IQSEC1: variants seen among roughly 807,000 people sequenced by gnomAD.
The protein encoded by IQSEC1 is IQ motif and SEC7 domain-containing protein 1.
A neutral mutation model predicts 91.0 loss-of-function variants in IQSEC1; 31 were observed. The ratio of observed to expected loss-of-function variants is 0.34; its 90% CI spans 0.26 to 0.46. IQSEC1 has a LOEUF of 0.46. Among genes scored for constraint, IQSEC1 ranks in the 20% least tolerant of loss-of-function variants. The pLI, the probability that IQSEC1 is intolerant of heterozygous loss-of-function variation, is 1.00. For synonymous variants in IQSEC1, 699 were observed against 662.6 expected (o/e 1.05, Z -0.84); for missense variants, 1,388 against 1,575.6 (o/e 0.88, Z 2.02).
intron 1 of IQSEC1, among the ~76,000 whole-genome samples, chr3:13,055,160 C>T (rs922111390): frequency 1.3e-5 from 2 of 152,200 alleles, no homozygotes; most frequent in Non-Finnish European, 2.9e-5. Flanking sequence ...CCTGCACACC[C>T]CTCCATCCTG....
intron 2 of IQSEC1, among the ~76,000 whole-genome samples, chr3:13,096,073 A>G (rs1396070261): frequency 1.3e-5 from 2 of 152,128 alleles, no homozygotes; most frequent in Non-Finnish European, 2.9e-5. Flanking sequence ...CTGGGCTGCT[A>G]TGAGGCAGAG....
chr3:13,101,158 C>G (rs969359396), intron 2 of IQSEC1, among the ~76,000 whole-genome samples: 3 of 152,192 alleles, frequency 2.0e-5, no homozygotes, highest in Non-Finnish European at 4.4e-5. Flanking sequence ...TCAAGCCTGA[C>G]AGTGACACGA....
intron 2 of IQSEC1, among the ~76,000 whole-genome samples, chr3:13,142,331 C>A (rs963733693): frequency 9.9e-5 from 15 of 152,206 alleles, no homozygotes; most frequent in African/African-American, 3.4e-4. Context: ...GGTGTGGAAG[C>A]AGCAGCCCCA....
intron 2 of IQSEC1, among the ~76,000 whole-genome samples, chr3:13,145,804 C>CGG (rs71848559): frequency 0.069 from 3,639 of 52,448 alleles, 215 homozygotes; most frequent in South Asian, 0.1. Context: ...CGCCCGGGGG[C>CGG]GGGGGGGGGG....
At chr3:13,006,972 C>A (rs938723098) in intron 1 of IQSEC1, among the ~76,000 whole-genome samples, 1 of 152,354 alleles carries the variant, frequency 6.6e-6, no homozygotes, top group Admixed American at 6.5e-5. Context: ...CTGCTACCGG[C>A]GGGTATCTCT....
chr3:13,273,188 A>C (rs1340166504), intron 1 of IQSEC1, among the ~76,000 whole-genome samples: 1 of 152,186 alleles, frequency 6.6e-6, no homozygotes, highest in Non-Finnish European at 1.5e-5. Context: ...GCTGGGATTC[A>C]GGCTGCTGGC....
Position 13,260,545 on chromosome 3 carries a change from C to T in IQSEC1, c.272+22166G>A, listed in dbSNP as rs147890339. Among the ~76,000 whole-genome samples, 23 of 152,338 alleles carry T rather than the reference C, an allele frequency of 1.5e-4. No individual in the cohort carries two copies. In the East Asian group the frequency reaches 1.9e-3, roughly 13 times the overall value. The stretch of plus-strand genomic sequence containing the variant: ...ATCTGGCAAAGACAGCCAAAGCCCA[C>T]GTTCCTAAGGGAATCTGCAAAAGTC... On this transcript the variant is annotated intron_variant, in intron 1 of 15. Transcript: ENST00000648114.
intron 1 of IQSEC1, among the ~76,000 whole-genome samples, chr3:12,957,467 A>C (rs1211024640): frequency 6.6e-6 from 1 of 152,212 alleles, no homozygotes. Flanking sequence ...GAGCCAAATT[A>C]AATACAGAGG....
At chr3:13,269,731 C>T (rs975307672) in intron 1 of IQSEC1, among the ~76,000 whole-genome samples, 4 of 152,270 alleles carry the variant, frequency 2.6e-5, no homozygotes, top group Non-Finnish European at 4.4e-5. Flanking sequence ...GGGCAGGCCA[C>T]TCTGAAACTT....
chr3:12,920,834 C>T (rs1176910678), intron 5 of IQSEC1, among the ~76,000 whole-genome samples: 1 of 152,210 alleles, frequency 6.6e-6, no homozygotes, highest in African/African-American at 2.4e-5. Flanking sequence ...CTACATTTCC[C>T]AGCTCCCGGG....
chr3:12,936,768 C>T, intron 2 of IQSEC1, 71 bp from the exon 3 acceptor site: 2 of 1,410,458 alleles, frequency 1.4e-6, no homozygotes, highest in Non-Finnish European at 1.9e-6. Context: ...AAACTCCTTC[C>T]CACTTCCTAG....
Position 13,013,020 on chromosome 3 carries a change from G to C in IQSEC1, c.23+59972C>G, listed in dbSNP as rs529086702. 1.8e-3 allele frequency among the ~76,000 whole-genome samples: 262 copies of C among 146,814 alleles called. 1 individual carries two copies. Among genetic ancestry groups the C allele is most frequent in the Non-Finnish European group, 1.7e-3 (118 of 67,430 alleles). On this transcript the variant is annotated intron_variant, in intron 1 of 13. Coordinates refer to ENST00000613206, the MANE Select transcript of IQSEC1 (RefSeq NM_001134382.3). Reference sequence around the variant, plus strand: ...CTGTGTCCAAGGCTGGAGTGCAGTGGCACGACCTAGGCTCACTGCAACCTC... The same window carrying C: ...CTGTGTCCAAGGCTGGAGTGCAGTGCCACGACCTAGGCTCACTGCAACCTC...
intron 1 of IQSEC1, among the ~76,000 whole-genome samples, chr3:13,176,836 T>G (rs1290156911): frequency 6.6e-6 from 1 of 152,146 alleles, no homozygotes; most frequent in Non-Finnish European, 1.5e-5. Context: ...AACCATCAGC[T>G]CGGTACAGAT....
At chr3:13,129,781 C>T (rs1021786867) in intron 2 of IQSEC1, among the ~76,000 whole-genome samples, 18 of 151,314 alleles carry the variant, frequency 1.2e-4, no homozygotes, top group Non-Finnish European at 2.1e-4. Flanking sequence ...CCTCAGCCTC[C>T]CGAGTAGCTG....
intron 1 of IQSEC1, among the ~76,000 whole-genome samples, chr3:13,028,074 G>A (rs1362671430): frequency 2.6e-5 from 4 of 152,134 alleles, no homozygotes; most frequent in East Asian, 1.9e-4. Context: ...CTCCAGAGAC[G>A]CCTGTGGCCC....
At chr3:13,205,674 C>A (rs896787947) in intron 1 of IQSEC1, among the ~76,000 whole-genome samples, 1 of 151,640 alleles carries the variant, frequency 6.6e-6, no homozygotes, top group Non-Finnish European at 1.5e-5. Context: ...ACTCATCCAT[C>A]CATCCAAACA....
At chr3:13,073,810 G>A (rs549444604), upstream of IQSEC1, among the ~76,000 whole-genome samples, 13 of 152,368 alleles carry the variant, frequency 8.5e-5, no homozygotes, top group African/African-American at 3.1e-4. Context: ...AGGGCGATGA[G>A]ACCTTGGCAA....
chr3:12,999,664 T>C (rs1702347489), intron 1 of IQSEC1, among the ~76,000 whole-genome samples: 1 of 152,164 alleles, frequency 6.6e-6, no homozygotes. Context: ...TTTATAGCTG[T>C]CCACAAAGCA....
chr3:13,242,727 C>T (rs920221132), intron 1 of IQSEC1, among the ~76,000 whole-genome samples: 1 of 152,194 alleles, frequency 6.6e-6, no homozygotes, highest in African/African-American at 2.4e-5. Context: ...AATAAAGTGG[C>T]TCACCTGAAA....
Sources: allele counts gnomAD v4.1 joint callset (sites outside exome capture counted in the v4.1 genomes callset), GRCh38; gene constraint gnomAD v4.1.1; transcripts MANE v1.5; gene names NCBI Gene and HGNC (gene_info 2026-07-23, HGNC 2026-07-21).